The following TNFRSF19 variants were observed in gnomAD, a reference collection of about 807,000 sequenced individuals.
TNFRSF19 encodes the protein TNF receptor superfamily member 19.
A neutral mutation model predicts 46.4 loss-of-function variants in TNFRSF19; 27 were observed. That is an observed-to-expected ratio of 0.58 (90% CI 0.43 to 0.80). The LOEUF is 0.80. TNFRSF19 is among the 30% of genes least tolerant of loss of function. TNFRSF19 has a pLI of 0.00. For synonymous variants in TNFRSF19, 204 were observed against 205.0 expected (o/e 1.00, Z 0.04); for missense variants, 511 against 530.8 (o/e 0.96, Z 0.37).
At chr13:23,658,421 C>G (rs931644646) in intron 5 of TNFRSF19, among the ~76,000 whole-genome samples, 5 of 152,182 alleles carry the variant, frequency 3.3e-5, no homozygotes, top group African/African-American at 1.2e-4. Context: ...AAAATAAGAT[C>G]TATTTCTTGA....
intron 1 of TNFRSF19, among the ~76,000 whole-genome samples, chr13:23,578,212 G>T (rs1277023573): frequency 6.6e-6 from 1 of 152,156 alleles, no homozygotes; most frequent in African/African-American, 2.4e-5. Context: ...AGTCTGATCG[G>T]GTAGCCGCTG....
At chr13:23,628,849 A>G (rs115721786) in intron 5 of TNFRSF19, among the ~76,000 whole-genome samples, 3 of 152,156 alleles carry the variant, frequency 2.0e-5, no homozygotes. Context: ...AGAATAAGCT[A>G]TTTGTCAAAG....
At chr13:23,624,904 C>T (rs978492569) in intron 4 of TNFRSF19, among the ~76,000 whole-genome samples, 5 of 152,036 alleles carry the variant, frequency 3.3e-5, no homozygotes, top group Non-Finnish European at 7.4e-5. Context: ...GCGCCCACCA[C>T]CATGCCCAGC....
chr13:23,664,868 A>G (rs1951594132), intron 7 of TNFRSF19, among the ~76,000 whole-genome samples: 1 of 152,214 alleles, frequency 6.6e-6, no homozygotes, highest in Non-Finnish European at 1.5e-5. Flanking sequence ...TGCAACAAAT[A>G]AGTACTTGTG....
chr13:23,664,855 A>C (rs1266256758), intron 7 of TNFRSF19, among the ~76,000 whole-genome samples: 1 of 152,088 alleles, frequency 6.6e-6, no homozygotes, highest in East Asian at 1.9e-4. Flanking sequence ...TACTGTAGAC[A>C]GTTGCAACAA....
intron 1 of TNFRSF19, among the ~76,000 whole-genome samples, chr13:23,574,094 T>C (rs1459389695): frequency 4.0e-5 from 6 of 150,442 alleles, no homozygotes; most frequent in Non-Finnish European, 1.5e-5. Flanking sequence ...TATCTATCTA[T>C]ATCTTGTGTG....
chr13:23,639,131 A>G (rs577572436), intron 5 of TNFRSF19, among the ~76,000 whole-genome samples: 11 of 152,292 alleles, frequency 7.2e-5, no homozygotes, highest in African/African-American at 2.6e-4. Flanking sequence ...GGTGGCTTAC[A>G]TCTGTAATTC....
chr13:23,636,978 TTAA>T (rs1418861026), intron 5 of TNFRSF19, among the ~76,000 whole-genome samples: 1 of 152,228 alleles, frequency 6.6e-6, no homozygotes, highest in Non-Finnish European at 1.5e-5. Flanking sequence ...TAGTTATGTG[TTAA>T]TAATATTATA....
intron 3 of TNFRSF19, among the ~76,000 whole-genome samples, chr13:23,603,693 A>G (rs755686819): frequency 2.6e-4 from 40 of 152,090 alleles, no homozygotes; most frequent in Non-Finnish European, 5.0e-4. Context: ...AATATGTCAC[A>G]TCAGTGGGCT....
intron 5 of TNFRSF19, among the ~76,000 whole-genome samples, chr13:23,633,713 G>A (rs1453159235): frequency 6.6e-6 from 1 of 152,138 alleles, no homozygotes; most frequent in Non-Finnish European, 1.5e-5. Context: ...GCTGCGCGTG[G>A]TGGCAGTCAC....
At chr13:23,672,641 AT>A (rs1243963922) in intron 9 of TNFRSF19, among the ~76,000 whole-genome samples, 1 of 152,160 alleles carries the variant, frequency 6.6e-6, no homozygotes, top group Non-Finnish European at 1.5e-5. Flanking sequence ...CCTAGGAATA[AT>A]TTTTTTGCAT....
Position 23,668,990 on chromosome 13 carries a change from A to G in TNFRSF19, c.1138A>G (p.Asn380Asp). 2 of 1,614,210 alleles carry G rather than the reference A, an allele frequency of 1.2e-6. No homozygotes were observed. Among genetic ancestry groups the G allele is most frequent in the Non-Finnish European group, 1.7e-6 (2 of 1,180,038 alleles). ...TAATDLSRYN[N>D]TLVESASTQD... ...AGCTACTGATTTATCTAGATATAAC[A>G]ACACACTGGTAGAATCAGCATCAAC... The change falls in exon 9 of 10, where the codon AAC (asparagine) becomes GAC (aspartate). Residue 380 changes from asparagine to aspartate, a missense_variant. Coordinates refer to ENST00000248484, the MANE Select transcript of TNFRSF19 (RefSeq NM_148957.4).
intron 5 of TNFRSF19, among the ~76,000 whole-genome samples, chr13:23,640,515 C>T (rs1882974297): frequency 1.3e-5 from 2 of 152,178 alleles, no homozygotes; most frequent in Admixed American, 6.5e-5. Flanking sequence ...ACCAGATGAG[C>T]TGCTCTTTCT....
At chr13:23,641,838 A>G (rs893975241) in intron 5 of TNFRSF19, among the ~76,000 whole-genome samples, 4 of 152,254 alleles carry the variant, frequency 2.6e-5, no homozygotes, top group African/African-American at 7.2e-5. Context: ...CAGATTGAAG[A>G]TATATGTCAA....
chr13:23,611,797 G>A (rs1379503056), intron 3 of TNFRSF19, among the ~76,000 whole-genome samples: 1 of 152,174 alleles, frequency 6.6e-6, no homozygotes, highest in Non-Finnish European at 1.5e-5. Flanking sequence ...AAATGCAGTG[G>A]GCCAAACCTA....
chr13:23,638,107 CG>C lies in TNFRSF19; in HGVS notation c.445+11317del, dbSNP rs1397257830. On this transcript the variant is annotated intron_variant, in intron 5 of 9. Transcript: ENST00000248484. ...CTTTTATGGTGTCTTTTCTGTTTCTCGGTGCAGAAGTTTAAAAGCTTCATTG... is the reference window on the plus strand; with the variant it reads ...CTTTTATGGTGTCTTTTCTGTTTCTCGTGCAGAAGTTTAAAAGCTTCATTG... Among the ~76,000 whole-genome samples the C allele has an allele frequency of 4.9e-5, 5 of 102,856 alleles. No homozygotes were observed. The East Asian group carries it at 1.5e-3, about 31-fold the overall frequency. 67.5% of individuals were successfully genotyped at this position (102,856 alleles called of 152,430 possible).
At chr13:23,660,224 G>A in intron 6 of TNFRSF19, 141 bp from the exon 7 acceptor site, 1 of 858,918 alleles carries the variant, frequency 1.2e-6, no homozygotes, top group Admixed American at 2.5e-5. Context: ...ATTATTTCAT[G>A]TTTGTGCTTC....
Position 23,612,953 on chromosome 13 carries a change from C to T in TNFRSF19, c.181-2914C>T, listed in dbSNP as rs193210353. Among the ~76,000 whole-genome samples the T allele has an allele frequency of 2.3e-3, 349 of 152,244 alleles. 3 individuals carry two copies. The highest frequency in any genetic ancestry group is 4.3e-3 in the Non-Finnish European group (294 of 68,016). ...GAGCCACAGTTGAATGACTGACTGG[C>T]AGGAACGCAGGGCTCTTATAGCACG... On this transcript the variant is annotated intron_variant, in intron 3 of 9. Transcript: ENST00000248484.
At chr13:23,653,095 C>G (rs1425112081) in intron 5 of TNFRSF19, among the ~76,000 whole-genome samples, 1 of 152,206 alleles carries the variant, frequency 6.6e-6, no homozygotes, top group Non-Finnish European at 1.5e-5. Context: ...TTCCTGCCCC[C>G]TGTGCTAAGC....
Sources: allele counts gnomAD v4.1 joint callset (sites outside exome capture counted in the v4.1 genomes callset), GRCh38; gene constraint gnomAD v4.1.1; transcripts MANE v1.5; gene names NCBI Gene and HGNC (gene_info 2026-07-23, HGNC 2026-07-21).